Variants in PARD3 observed in about 807,000 individuals in gnomAD.
The protein encoded by PARD3 is partitioning defective 3 homolog.
A neutral mutation model predicts 155.4 loss-of-function variants in PARD3; 75 were observed. That is an observed-to-expected ratio of 0.48 (90% CI 0.40 to 0.58). The LOEUF (loss-of-function observed/expected upper bound fraction) is 0.58, where lower values mean the gene tolerates loss of function less well. PARD3 is among the 20% of genes least tolerant of loss of function. The probability of loss-of-function intolerance (pLI) is 0.00; values close to 1 mark genes in which losing one functional copy is unlikely to be tolerated. For missense variants in PARD3, 1,642 were observed against 1,721.7 expected (o/e 0.95, Z 0.82); for synonymous variants, 576 against 610.5 (o/e 0.94, Z 0.83).
At position 34,217,976 on chromosome 10, in the gene PARD3, C is replaced by A. The variant is rs981124743; in HGVS notation, c.3419+51681G>T. On this transcript the variant is annotated intron_variant, in intron 22 of 24. Coordinates refer to ENST00000374788, the MANE Select transcript of PARD3 (RefSeq NM_001184785.2). ...GACACATTGGGGGGCAGGAGCTGTCCTCTGAAGACATGACATCTGGGCTCA... is the reference window on the plus strand; with the variant it reads ...GACACATTGGGGGGCAGGAGCTGTCATCTGAAGACATGACATCTGGGCTCA... 7.2e-5 allele frequency among the ~76,000 whole-genome samples: 11 copies of A among 152,216 alleles called. No individual in the cohort carries two copies. The East Asian group carries it at 2.1e-3, about 29-fold the overall frequency.
At chr10:34,676,008 T>A (rs1265214838) in intron 2 of PARD3, 1 of 152,656 alleles carries the variant, frequency 6.6e-6, no homozygotes, top group African/African-American at 2.4e-5. Flanking sequence ...TTAACAACCA[T>A]CACACCGCCA....
At chr10:34,162,250 T>G (rs558846472) in intron 22 of PARD3, among the ~76,000 whole-genome samples, 1 of 152,286 alleles carries the variant, frequency 6.6e-6, no homozygotes, top group South Asian at 2.1e-4. Flanking sequence ...AATTCAAACC[T>G]TATACAAACA....
In PARD3 at chr10:34,389,239, T is replaced by TAAAAAAAAAAAAAAAAA. The variant is rs57615675; in HGVS notation, c.891-5002_891-4986dup. Among the ~76,000 whole-genome samples, 10 of 65,852 alleles carry TAAAAAAAAAAAAAAAAA rather than the reference T, an allele frequency of 1.5e-4. 2 individuals carry two copies. Among genetic ancestry groups the TAAAAAAAAAAAAAAAAA allele is most frequent in the African/African-American group, 3.6e-4 (5 of 13,802 alleles). 43.2% of individuals were successfully genotyped at this position (65,852 alleles called of 152,430 possible). ...GACTTCGTTTTTGAACAATGTTTCT[T>TAAAAAAAAAAAAAAAAA]AAAAAAAAAAAAAAAAAAAAAAAAA... is the stretch of plus-strand genomic sequence containing the variant. On this transcript the variant is annotated intron_variant, in intron 7 of 24. Transcript: ENST00000374788.
Position 34,797,035 on chromosome 10 carries a change from T to C in PARD3, c.120+17841A>G, listed in dbSNP as rs562038658. Reference sequence around the variant, plus strand: ...AATCAATCCATGGACATAAAAATTGTCAGACCCATGGTTAGGTTCATGAGG... The same window carrying C: ...AATCAATCCATGGACATAAAAATTGCCAGACCCATGGTTAGGTTCATGAGG... On this transcript the variant is annotated intron_variant, in intron 1 of 24. Coordinates refer to ENST00000374788, the MANE Select transcript of PARD3 (RefSeq NM_001184785.2). 2.0e-4 allele frequency among the ~76,000 whole-genome samples: 30 copies of C among 152,298 alleles called. 1 individual carries two copies. In the South Asian group the frequency reaches 5.2e-3, roughly 26 times the overall value.
intron 15 of PARD3, chr10:34,344,142 T>C: frequency 1.0e-6 from 1 of 982,378 alleles, no homozygotes; most frequent in Non-Finnish European, 1.2e-6. Flanking sequence ...ATTATTCAGC[T>C]AAAAAAGTTG....
chr10:34,385,678 A>T (rs1436028863), intron 7 of PARD3, among the ~76,000 whole-genome samples: 1 of 152,232 alleles, frequency 6.6e-6, no homozygotes, highest in East Asian at 1.9e-4. Flanking sequence ...TCCAGTAGAA[A>T]TATACCAAAA....
At chr10:34,423,603 A>G (rs1256216339) in intron 5 of PARD3, among the ~76,000 whole-genome samples, 1 of 152,190 alleles carries the variant, frequency 6.6e-6, no homozygotes, top group African/African-American at 2.4e-5. Flanking sequence ...AACATTTTAT[A>G]AAATTTGAAA....
At chr10:34,427,853 G>A (rs768649231) in intron 5 of PARD3, among the ~76,000 whole-genome samples, 6 of 152,076 alleles carry the variant, frequency 3.9e-5, no homozygotes, top group Admixed American at 6.6e-5. Context: ...AGGTTCCCCC[G>A]ATATGTGGAG....
intron 2 of PARD3, among the ~76,000 whole-genome samples, chr10:34,633,341 C>A (rs957103757): frequency 6.7e-6 from 1 of 148,514 alleles, no homozygotes; most frequent in Non-Finnish European, 1.5e-5. Flanking sequence ...ATCTCCCCAA[C>A]CCCCCTCCCA....
intron 2 of PARD3, among the ~76,000 whole-genome samples, chr10:34,692,378 T>C (rs1217520805): frequency 1.1e-4 from 16 of 151,966 alleles, no homozygotes; most frequent in African/African-American, 3.1e-4. Context: ...GCAAAAACAA[T>C]TGCAACAAAA....
At chr10:34,597,073 G>C (rs2089339033) in intron 2 of PARD3, among the ~76,000 whole-genome samples, 1 of 152,054 alleles carries the variant, frequency 6.6e-6, no homozygotes, top group African/African-American at 2.4e-5. Flanking sequence ...AAAGATTCTG[G>C]GTGTTACGCT....
intron 5 of PARD3, among the ~76,000 whole-genome samples, chr10:34,432,396 T>C (rs185710824): frequency 4.0e-5 from 6 of 149,974 alleles, no homozygotes; most frequent in Admixed American, 1.3e-4. Context: ...AGGTATAATA[T>C]ATAGTACCTG....
At chr10:34,680,757 T>A (rs1219806290) in intron 2 of PARD3, among the ~76,000 whole-genome samples, 1 of 144,226 alleles carries the variant, frequency 6.9e-6, no homozygotes, top group African/African-American at 2.6e-5. Flanking sequence ...CACCACATAT[T>A]CTCACTCATA....
At chr10:34,729,834 C>T (rs905584794) in intron 1 of PARD3, among the ~76,000 whole-genome samples, 2 of 152,060 alleles carry the variant, frequency 1.3e-5, no homozygotes, top group African/African-American at 4.8e-5. Context: ...TCACTCCTGG[C>T]TGTTGTGTAC....
intron 1 of PARD3, among the ~76,000 whole-genome samples, chr10:34,704,315 A>C (rs1258474866): frequency 3.9e-5 from 6 of 152,244 alleles, no homozygotes; most frequent in African/African-American, 9.6e-5. Context: ...AAAGGTGATC[A>C]AGGTATCATA....
intron 1 of PARD3, among the ~76,000 whole-genome samples, chr10:34,724,805 A>C (rs2094671558): frequency 6.6e-6 from 1 of 152,234 alleles, no homozygotes; most frequent in Non-Finnish European, 1.5e-5. Flanking sequence ...GAGAGCCCTG[A>C]ACATCAGTCT....
intron 22 of PARD3, among the ~76,000 whole-genome samples, chr10:34,239,116 ATTTGT>A (rs916992712): frequency 3.3e-5 from 5 of 152,226 alleles, no homozygotes; most frequent in African/African-American, 1.2e-4. Context: ...GCTTGACATG[ATTTGT>A]TTTAAGTTAA....
chr10:34,453,552 T>G (rs2077172092), intron 4 of PARD3, among the ~76,000 whole-genome samples: 1 of 152,214 alleles, frequency 6.6e-6, no homozygotes, highest in Non-Finnish European at 1.5e-5. Context: ...AACATTTTGA[T>G]AAGTTGTTTT....
chr10:34,550,967 G>C (rs1691148343), intron 2 of PARD3, among the ~76,000 whole-genome samples: 1 of 152,142 alleles, frequency 6.6e-6, no homozygotes, highest in Admixed American at 6.6e-5. Context: ...CACTTACGCA[G>C]GTCATTTTAA....
Sources: allele counts gnomAD v4.1 joint callset (sites outside exome capture counted in the v4.1 genomes callset), GRCh38; gene constraint gnomAD v4.1.1; transcripts MANE v1.5; gene names NCBI Gene and HGNC (gene_info 2026-07-23, HGNC 2026-07-21).